The following SGCZ variants were observed in gnomAD, a reference collection of about 807,000 sequenced individuals.
SGCZ encodes the protein zeta-sarcoglycan.
Under a neutral mutation model 41.3 loss-of-function variants are expected in SGCZ, and 40 were observed. The ratio of observed to expected loss-of-function variants is 0.97; its 90% CI spans 0.75 to 1.26. The LOEUF is 1.26. Ranked by LOEUF, SGCZ falls within the 50% of genes most tolerant of loss-of-function variation. The pLI is 0.00. For missense variants in SGCZ, 552 were observed against 369.8 expected, an observed-to-expected ratio of 1.49 and a Z score of -4.04; for synonymous variants, 206 against 137.5, an observed-to-expected ratio of 1.50 and a Z score of -3.49.
intron 1 of SGCZ, among the ~76,000 whole-genome samples, chr8:14,581,295 CG>C (rs1804880003): frequency 6.6e-6 from 1 of 151,966 alleles, no homozygotes; most frequent in African/African-American, 2.4e-5. Context: ...TTTATAGATA[CG>C]GGGTTTCCCC....
intron 1 of SGCZ, among the ~76,000 whole-genome samples, chr8:14,745,511 G>C (rs533294489): frequency 2.6e-5 from 4 of 152,110 alleles, no homozygotes; most frequent in Non-Finnish European, 5.9e-5. Flanking sequence ...GAGCCCAGGA[G>C]TTTGAGGCTG....
intron 2 of SGCZ, among the ~76,000 whole-genome samples, chr8:14,488,302 G>A (rs1010956531): frequency 5.9e-5 from 9 of 152,234 alleles, no homozygotes; most frequent in African/African-American, 2.2e-4. Context: ...ATTGTATTAT[G>A]GATAAAAGTT....
intron 3 of SGCZ, among the ~76,000 whole-genome samples, chr8:14,303,065 T>C (rs949057942): frequency 1.3e-5 from 2 of 152,146 alleles, no homozygotes; most frequent in African/African-American, 4.8e-5. Context: ...TCTAAGGCCA[T>C]TAACCTCCTG....
At chr8:14,559,740 G>C (rs755294606) in intron 1 of SGCZ, among the ~76,000 whole-genome samples, 1 of 151,974 alleles carries the variant, frequency 6.6e-6, no homozygotes, top group Non-Finnish European at 1.5e-5. Context: ...AATTGGATAA[G>C]CTATTAAAAT....
At chr8:14,579,353 C>T (rs1804812179) in intron 1 of SGCZ, among the ~76,000 whole-genome samples, 1 of 152,158 alleles carries the variant, frequency 6.6e-6, no homozygotes, top group South Asian at 2.1e-4. Flanking sequence ...AAACCTTAAT[C>T]AGAAATGCAT....
intron 1 of SGCZ, among the ~76,000 whole-genome samples, chr8:15,018,960 G>C (rs764125509): frequency 2.7e-4 from 41 of 152,244 alleles, no homozygotes; most frequent in African/African-American, 4.1e-4. Context: ...GAGGAAGAAG[G>C]GATGTCTTAC....
chr8:14,647,858 G>C (rs1460037711), intron 1 of SGCZ, among the ~76,000 whole-genome samples: 5 of 152,012 alleles, frequency 3.3e-5, no homozygotes, highest in Non-Finnish European at 7.4e-5. Context: ...TGAAGTTATT[G>C]ACAGCCTTAC....
chr8:14,158,096 ATG>A (rs1803931589), intron 5 of SGCZ, among the ~76,000 whole-genome samples: 1 of 149,802 alleles, frequency 6.7e-6, no homozygotes, highest in African/African-American at 2.5e-5. Flanking sequence ...TTATTTTCAC[ATG>A]TCTTTTTTTT....
chr8:14,292,942 G>A (rs548141248), intron 3 of SGCZ, among the ~76,000 whole-genome samples: 1 of 152,028 alleles, frequency 6.6e-6, no homozygotes, highest in South Asian at 2.1e-4. Flanking sequence ...AGTCAATGAT[G>A]TATAACATCT....
In SGCZ at chr8:14,088,253, G is replaced by A. The variant is rs1801583119; in HGVS notation, c.*2190C>T. On this transcript the variant is annotated 3_prime_UTR_variant, in exon 8 of 8. Transcript: ENST00000382080. ...CTTTTGCTGTGAAGTTGAGTAAACT[G>A]AAGCCTGGAGAGATTCTCGAACTGC... is the stretch of plus-strand genomic sequence containing the variant. 6.6e-6 allele frequency among the ~76,000 whole-genome samples: 1 copy of A among 151,804 alleles called. No homozygotes were observed. The highest frequency in any genetic ancestry group is 2.4e-5 in the African/African-American group (1 of 41,400).
At chr8:14,140,741 C>A (rs964729466) in intron 5 of SGCZ, among the ~76,000 whole-genome samples, 5 of 152,120 alleles carry the variant, frequency 3.3e-5, no homozygotes, top group Admixed American at 6.6e-5. Context: ...AATGGCCATA[C>A]TGCCCAAGGT....
intron 1 of SGCZ, among the ~76,000 whole-genome samples, chr8:14,932,796 T>A (rs985693256): frequency 6.6e-6 from 1 of 152,040 alleles, no homozygotes; most frequent in East Asian, 1.9e-4. Flanking sequence ...ATTTTAATAA[T>A]CTTTTCTAAA....
intron 4 of SGCZ, among the ~76,000 whole-genome samples, chr8:14,173,194 C>T (rs1055343573): frequency 9.9e-5 from 15 of 151,494 alleles, no homozygotes; most frequent in African/African-American, 3.2e-4. Flanking sequence ...GAGACAACAA[C>T]GTTTATTCTT....
intron 1 of SGCZ, among the ~76,000 whole-genome samples, chr8:14,785,853 C>T (rs540570913): frequency 6.6e-6 from 1 of 151,736 alleles, no homozygotes; most frequent in South Asian, 2.1e-4. Context: ...GAGTTTCTTA[C>T]TTTCTCCCAA....
chr8:14,149,654 A>AG (rs200665893), intron 5 of SGCZ, among the ~76,000 whole-genome samples: 1 of 15,428 alleles, frequency 6.5e-5, no homozygotes, highest in Non-Finnish European at 1.7e-4. Flanking sequence ...CTTTCTTCAT[A>AG]GGAAAAAAAA....
chr8:14,137,269 TCTC>T (rs1803228185), intron 5 of SGCZ, among the ~76,000 whole-genome samples: 1 of 152,176 alleles, frequency 6.6e-6, no homozygotes, highest in African/African-American at 2.4e-5. Flanking sequence ...GAGCACCTCT[TCTC>T]CTCCAAAGAT....
intron 2 of SGCZ, among the ~76,000 whole-genome samples, chr8:14,436,278 G>A (rs556810370): frequency 1.8e-4 from 28 of 152,306 alleles, no homozygotes; most frequent in African/African-American, 6.5e-4. Flanking sequence ...GGAGGAGAAA[G>A]GAGAGGACAG....
At chr8:14,493,987 A>T (rs978440893) in intron 2 of SGCZ, among the ~76,000 whole-genome samples, 1 of 152,182 alleles carries the variant, frequency 6.6e-6, no homozygotes, top group African/African-American at 2.4e-5. Flanking sequence ...AATATGCAGC[A>T]GTAATCTGTC....
intron 5 of SGCZ, among the ~76,000 whole-genome samples, chr8:14,142,924 C>T (rs927403765): frequency 2.6e-5 from 4 of 151,742 alleles, no homozygotes; most frequent in African/African-American, 7.3e-5. Flanking sequence ...TGAGACCTCC[C>T]TAGAAGCAGA....
Sources: allele counts gnomAD v4.1 joint callset (sites outside exome capture counted in the v4.1 genomes callset), GRCh38; gene constraint gnomAD v4.1.1; transcripts MANE v1.5; gene names NCBI Gene and HGNC (gene_info 2026-07-23, HGNC 2026-07-21).